Variants in SLC16A2 observed in about 807,000 individuals in gnomAD.
SLC16A2 encodes the protein monocarboxylate transporter 8.
Under a neutral mutation model 27.2 loss-of-function variants are expected in SLC16A2, and 3 were observed. The ratio of observed to expected loss-of-function variants is 0.11; its 90% confidence interval spans 0.05 to 0.28. The LOEUF is 0.28. Ranked by LOEUF, SLC16A2 falls within the 10% of genes least tolerant of loss-of-function variation. SLC16A2 has a pLI of 1.00. For missense variants in SLC16A2, 295 were observed against 458.5 expected, an observed-to-expected ratio of 0.64 and a Z score of 3.26; for synonymous variants, 202 against 187.8, an observed-to-expected ratio of 1.08 and a Z score of -0.62.
chrX:74,478,812 C>T (rs1448244158), intron 1 of SLC16A2, among the ~76,000 whole-genome samples: 2 of 111,793 alleles, frequency 1.8e-5, no homozygotes, highest in Non-Finnish European at 1.9e-5. Context: ...ATATTGGTCC[C>T]CAACTCTCCT....
intron 1 of SLC16A2, among the ~76,000 whole-genome samples, chrX:74,467,095 G>A (rs777343064): frequency 8.9e-6 from 1 of 111,879 alleles, no homozygotes; most frequent in Admixed American, 9.5e-5. Flanking sequence ...GCCCTTTAAG[G>A]GCCCGCCCCT....
Position 74,496,251 on chromosome X carries a change from A to AAC in SLC16A2, c.431-24716_431-24715dup, listed in dbSNP as rs768625772. On this transcript the variant is annotated intron_variant, in intron 1 of 5. Coordinates refer to ENST00000587091, the MANE Select transcript of SLC16A2 (RefSeq NM_006517.5). The stretch of plus-strand genomic sequence containing the variant: ...TGGGTCCTCCTTGGGGAAGACAGAA[A>AAC]ACACACACACACACACACACACACG... 5.6e-3 allele frequency among the ~76,000 whole-genome samples: 361 copies of AAC among 64,160 alleles called. 1 individual carries two copies. The highest frequency in any genetic ancestry group is 0.015 in the East Asian group (48 of 3,291). The allele number at this position is 64,160 out of a possible 115,157, so 55.7% of individuals were successfully genotyped here. A position where few individuals can be genotyped will look rare whatever the true frequency, so the allele number is the denominator to read the frequency against.
chrX:74,506,933 A>ATT (rs1481294733), intron 1 of SLC16A2, among the ~76,000 whole-genome samples: 11 of 29,948 alleles, frequency 3.7e-4, no homozygotes, highest in South Asian at 1.5e-3. Flanking sequence ...TTATTTATTT[A>ATT]TTTATTTTTT....
chrX:74,481,259 G>C (rs889400160), intron 1 of SLC16A2, among the ~76,000 whole-genome samples: 7 of 112,023 alleles, frequency 6.2e-5, no homozygotes, highest in African/African-American at 1.9e-4. Flanking sequence ...TCCTGTTCTA[G>C]AAGATTTTGT....
chrX:74,476,599 A>G (rs891242327), intron 1 of SLC16A2, among the ~76,000 whole-genome samples: 5 of 111,850 alleles, frequency 4.5e-5, no homozygotes, highest in African/African-American at 1.6e-4. Context: ...ATTCAGTATG[A>G]TATTGGCTGT....
In SLC16A2 at chrX:74,524,581, G is replaced by A. The variant is rs1455330114; in HGVS notation, c.798G>A (p.Leu266=). 1 of 1,211,281 alleles carries A rather than the reference G, an allele frequency of 8.3e-7. No individual in the cohort carries two copies. Among genetic ancestry groups the A allele is most frequent in the East Asian group, 3.0e-5 (1 of 33,838 alleles). ...AGCTGGCCCAAACCTTCCAGGTGCTGAGTACCTTCATGTTTGTTCTTATGC... is the reference window on the plus strand; with the variant it reads ...AGCTGGCCCAAACCTTCCAGGTGCTAAGTACCTTCATGTTTGTTCTTATGC... ...KIKLAQTFQV[L]STFMFVLMLL... The change falls in exon 3 of 6, where the codon CTG becomes CTA. Residue 266 remains leucine (L), a synonymous_variant. Transcript: ENST00000587091.
intron 1 of SLC16A2, among the ~76,000 whole-genome samples, chrX:74,429,603 C>T: frequency 1.8e-5 from 2 of 111,999 alleles, no homozygotes; most frequent in Admixed American, 1.9e-4. Flanking sequence ...AATGCCCATA[C>T]CATCTTTTTC....
At chrX:74,427,793 GCACGCGTGCACGCGCGCGCACACACA>G (rs1928430540) in intron 1 of SLC16A2, among the ~76,000 whole-genome samples, 2 of 86,761 alleles carry the variant, frequency 2.3e-5, no homozygotes, top group Non-Finnish European at 4.5e-5. Context: ...AAGCGCATGC[GCACGCGTGCACGCGCGCGCACACACA>G]CACACACACA....
At chrX:74,517,424 T>C (rs1930333553) in intron 1 of SLC16A2, among the ~76,000 whole-genome samples, 1 of 111,915 alleles carries the variant, frequency 8.9e-6, no homozygotes, top group Non-Finnish European at 1.9e-5. Flanking sequence ...TAATGGTCAG[T>C]TCTAGTTATA....
At chrX:74,487,853 A>G (rs1208624484) in intron 1 of SLC16A2, among the ~76,000 whole-genome samples, 1 of 111,507 alleles carries the variant, frequency 9.0e-6, no homozygotes, top group Non-Finnish European at 1.9e-5. Flanking sequence ...CCTTCATTTT[A>G]AAGCAACTCT....
At chrX:74,493,246 C>T (rs1244424275) in intron 1 of SLC16A2, among the ~76,000 whole-genome samples, 1 of 112,306 alleles carries the variant, frequency 8.9e-6, no homozygotes, top group Non-Finnish European at 1.9e-5. Flanking sequence ...ACACAGGCTC[C>T]TATAACCCTG....
intron 1 of SLC16A2, among the ~76,000 whole-genome samples, chrX:74,510,324 A>G (rs1475454845): frequency 9.0e-6 from 1 of 111,647 alleles, no homozygotes; most frequent in Non-Finnish European, 1.9e-5. Flanking sequence ...CAGCCTTCTC[A>G]GAGAAAGATG....
chrX:74,477,113 T>A (rs887400097), intron 1 of SLC16A2: 1 of 111,485 alleles, frequency 9.0e-6, no homozygotes, highest in Non-Finnish European at 1.9e-5. Flanking sequence ...GGTCTTGGAC[T>A]TTTTTTTGGT....
chrX:74,434,322 G>A (rs1364043001), intron 1 of SLC16A2, among the ~76,000 whole-genome samples: 1 of 112,295 alleles, frequency 8.9e-6, no homozygotes, highest in African/African-American at 3.2e-5. Context: ...GGCCCTGATA[G>A]AATTGGAATT....
At chrX:74,521,959 T>TGTA (rs1446812844) in intron 2 of SLC16A2, among the ~76,000 whole-genome samples, 2 of 111,983 alleles carry the variant, frequency 1.8e-5, no homozygotes, top group African/African-American at 6.5e-5. Flanking sequence ...GAAGAATGTG[T>TGTA]GTAGGGTAAG....
intron 4 of SLC16A2, among the ~76,000 whole-genome samples, chrX:74,528,303 A>T: frequency 9.1e-6 from 1 of 110,352 alleles, no homozygotes; most frequent in Non-Finnish European, 1.9e-5. Flanking sequence ...CCTGAAGCCC[A>T]GGTCTTCAGT....
intron 1 of SLC16A2, among the ~76,000 whole-genome samples, chrX:74,476,308 G>A (rs2147854269): frequency 8.9e-6 from 1 of 112,042 alleles, no homozygotes; most frequent in South Asian, 3.7e-4. Flanking sequence ...GAATGCTTGT[G>A]ATTTTTGTAC....
intron 1 of SLC16A2, among the ~76,000 whole-genome samples, chrX:74,426,236 A>G (rs1031012027): frequency 1.8e-5 from 2 of 112,360 alleles, no homozygotes; most frequent in Non-Finnish European, 1.9e-5. Flanking sequence ...ACTGTCCAGC[A>G]GAGCTAGATC....
intron 2 of SLC16A2, 127 bp downstream of exon 2, chrX:74,521,261 C>T (rs980925545): frequency 2.5e-6 from 2 of 799,940 alleles, no homozygotes; most frequent in East Asian, 3.2e-5. Context: ...CCTCAAAGAT[C>T]CTGCACCCTG....
Sources: allele counts gnomAD v4.1 joint callset (sites outside exome capture counted in the v4.1 genomes callset), GRCh38; gene constraint gnomAD v4.1.1; transcripts MANE v1.5; gene names NCBI Gene and HGNC (gene_info 2026-07-23, HGNC 2026-07-21).